CDA: variants seen among roughly 807,000 people sequenced by gnomAD.
CDA encodes the protein cytidine deaminase.
Under a neutral mutation model 15.0 loss-of-function variants are expected in CDA, and 7 were observed. The observed-to-expected ratio is 0.47, with a 90% CI of 0.26 to 0.87. The LOEUF (loss-of-function observed/expected upper bound fraction) is 0.87. Among genes scored for constraint, CDA ranks in the 40% least tolerant of loss-of-function variants. The probability of loss-of-function intolerance (pLI) is 0.15; values close to 1 mark genes in which losing one functional copy is unlikely to be tolerated. For synonymous variants in CDA, 58 were observed against 73.0 expected (o/e 0.79, Z 1.05); for missense variants, 159 against 182.7 (o/e 0.87, Z 0.75).
rs772015372 is a variant in CDA, at chr1:20,610,278, TA to T, written c.267-3563del. Among the ~76,000 whole-genome samples, 322 of 147,168 alleles carry T rather than the reference TA, an allele frequency of 2.2e-3. 4 individuals carry two copies. The highest frequency in any genetic ancestry group is 3.2e-3 in the Non-Finnish European group (213 of 65,764). ...CACATTATCTTTTTTTTTTTTATTT[TA>T]TTTTATTTTTATTTTTATTTATTTA... is the stretch of plus-strand genomic sequence containing the variant. On this transcript the variant is annotated intron_variant, in intron 2 of 3. Transcript: ENST00000375071.
At chr1:20,599,290 C>A (rs1373434203) in intron 1 of CDA, among the ~76,000 whole-genome samples, 2 of 152,128 alleles carry the variant, frequency 1.3e-5, no homozygotes, top group African/African-American at 4.8e-5. Flanking sequence ...CACATATGAC[C>A]TTGGCACCAG....
At chr1:20,607,070 C>T (rs1260929166) in intron 2 of CDA, among the ~76,000 whole-genome samples, 1 of 152,176 alleles carries the variant, frequency 6.6e-6, no homozygotes, top group Non-Finnish European at 1.5e-5. Flanking sequence ...TATCTCTTCA[C>T]TCATAGTGGA....
chr1:20,612,296 C>T (rs2052758964), intron 2 of CDA, among the ~76,000 whole-genome samples: 1 of 152,150 alleles, frequency 6.6e-6, no homozygotes. Context: ...TGATGTCAGG[C>T]CTCTGAGCCC....
At chr1:20,595,052 C>A (rs1454539918) in intron 1 of CDA, among the ~76,000 whole-genome samples, 1 of 152,080 alleles carries the variant, frequency 6.6e-6, no homozygotes, top group African/African-American at 2.4e-5. Flanking sequence ...GGTGCCCAGA[C>A]ACAAGACTTC....
chr1:20,598,374 A>G (rs377115461), intron 1 of CDA, among the ~76,000 whole-genome samples: 1 of 152,244 alleles, frequency 6.6e-6, no homozygotes, highest in South Asian at 2.1e-4. Context: ...CTGGGTCCTC[A>G]CTAGACACCA....
intron 3 of CDA, among the ~76,000 whole-genome samples, chr1:20,615,803 C>T (rs1051391600): frequency 2.0e-5 from 3 of 152,136 alleles, no homozygotes; most frequent in African/African-American, 7.2e-5. Context: ...GAATTCAAAA[C>T]CAGCCTGGGC....
chr1:20,602,787 A>G (rs1463057565), intron 1 of CDA, among the ~76,000 whole-genome samples: 1 of 152,222 alleles, frequency 6.6e-6, no homozygotes, highest in Non-Finnish European at 1.5e-5. Flanking sequence ...AAAGTTGGAA[A>G]CATCCTGATC....
chr1:20,613,916 G>T lies in CDA; in HGVS notation c.324+17G>T. The T allele has an allele frequency of 6.2e-7, 1 of 1,611,184 alleles. No individual in the cohort carries two copies. The highest frequency in any genetic ancestry group is 8.5e-7 in the Non-Finnish European group (1 of 1,177,742). Reference sequence around the variant, plus strand: ...ATGAGAGAGGTAAGCAGCTTCTCTTGCTGTCTGGAATGCAAATATCTTCCC... The same window carrying T: ...ATGAGAGAGGTAAGCAGCTTCTCTTTCTGTCTGGAATGCAAATATCTTCCC... On this transcript the variant is annotated intron_variant, in intron 3 of 3. Coordinates refer to ENST00000375071, the MANE Select transcript of CDA (RefSeq NM_001785.3).
At chr1:20,596,670 T>C (rs1469322547) in intron 1 of CDA, among the ~76,000 whole-genome samples, 1 of 151,276 alleles carries the variant, frequency 6.6e-6, no homozygotes, top group Non-Finnish European at 1.5e-5. Context: ...GAAAAGAGAG[T>C]GGGTGCAGTG....
rs114554741 is a variant in CDA, at chr1:20,591,561, A to G, written c.154+2278A>G. The stretch of plus-strand genomic sequence containing the variant: ...ATGACACAATCCCTGCCCCCATGGC[A>G]GTCCCCTCATATTGCATAGGTGATG... On this transcript the variant is annotated intron_variant, in intron 1 of 3. Coordinates refer to ENST00000375071, the MANE Select transcript of CDA (RefSeq NM_001785.3). Among the ~76,000 whole-genome samples the G allele has an allele frequency of 6.2e-3, 946 of 152,278 alleles. 10 individuals carry two copies. Among genetic ancestry groups the G allele is most frequent in the African/African-American group, 0.022 (900 of 41,570 alleles).
At chr1:20,601,471 C>T (rs1269922673) in intron 1 of CDA, among the ~76,000 whole-genome samples, 3 of 152,214 alleles carry the variant, frequency 2.0e-5, no homozygotes, top group Non-Finnish European at 4.4e-5. Context: ...CTATAGTCTA[C>T]CCTTTGGTGC....
At chr1:20,607,007 C>G (rs2052700269) in intron 2 of CDA, among the ~76,000 whole-genome samples, 1 of 152,152 alleles carries the variant, frequency 6.6e-6, no homozygotes, top group Non-Finnish European at 1.5e-5. Flanking sequence ...AGGCTGCATG[C>G]CTGTTGGTCT....
intron 1 of CDA, among the ~76,000 whole-genome samples, chr1:20,597,869 G>C (rs983268153): frequency 2.7e-5 from 4 of 150,020 alleles, no homozygotes; most frequent in African/African-American, 9.8e-5. Context: ...GTGGGCAAAG[G>C]CTTCCTTCCT....
rs573525051 is a variant in CDA, at chr1:20,593,145, C to T, written c.154+3862C>T. Among the ~76,000 whole-genome samples the T allele has an allele frequency of 1.1e-4, 17 of 152,240 alleles. No homozygotes were observed. In the South Asian group the frequency reaches 2.9e-3, roughly 26 times the overall value. ...AAGTAAAGGCACATGGCTTTAGGAT[C>T]GCCAGCCAGGTGGCCCAGGTGAATG... On this transcript the variant is annotated intron_variant, in intron 1 of 3. Transcript: ENST00000375071.
chr1:20,604,853 G>A, intron 1 of CDA, 75 bp from the exon 2 acceptor site: 1 of 1,000,890 alleles, frequency 1.0e-6, no homozygotes, highest in Non-Finnish European at 1.6e-6. Flanking sequence ...TTGGAATGGG[G>A]CAAACTTCTT....
intron 1 of CDA, among the ~76,000 whole-genome samples, chr1:20,591,824 T>A (rs964436571): frequency 4.6e-5 from 7 of 151,180 alleles, no homozygotes; most frequent in Non-Finnish European, 8.8e-5. Context: ...GCTCATACAT[T>A]TTATTTATTT....
At chr1:20,616,700 G>C (rs944714301) in intron 3 of CDA, among the ~76,000 whole-genome samples, 8 of 152,176 alleles carry the variant, frequency 5.3e-5, no homozygotes, top group South Asian at 2.1e-4. Context: ...AGGCAGGGGG[G>C]AAACTGAAAC....
At chr1:20,603,946 T>A (rs1369353016) in intron 1 of CDA, among the ~76,000 whole-genome samples, 1 of 152,228 alleles carries the variant, frequency 6.6e-6, no homozygotes, top group Non-Finnish European at 1.5e-5. Context: ...TACTGAGAGC[T>A]GGGCCATCTT....
intron 1 of CDA, 130 bp from the exon 2 acceptor site, chr1:20,604,798 T>C: frequency 1.4e-6 from 1 of 715,002 alleles, no homozygotes; most frequent in Non-Finnish European, 2.6e-6. Context: ...CTAATTGCCC[T>C]GTCCTTCTCC....
Sources: gnomAD v4.1 joint callset for allele counts (sites outside exome capture counted in the v4.1 genomes callset) on GRCh38, gnomAD v4.1.1 for gene constraint, MANE v1.5 for transcripts, NCBI Gene and HGNC (gene_info 2026-07-23, HGNC 2026-07-21) for gene names.